GSDMC: variants seen among roughly 807,000 people sequenced by gnomAD.
GSDMC encodes gasdermin C, also known as gasdermin-C.
GSDMC carries 59 observed loss-of-function variants against 58.0 expected under a neutral mutation model. The ratio of observed to expected loss-of-function variants is 1.02; its 90% CI spans 0.82 to 1.26. The LOEUF (loss-of-function observed/expected upper bound fraction) is 1.26, where lower values mean the gene tolerates loss of function less well. Ranked by LOEUF, GSDMC falls within the 50% of genes most tolerant of loss-of-function variation. The pLI is 0.00. For synonymous variants in GSDMC, 241 were observed against 220.2 expected (o/e 1.09, Z -0.83); for missense variants, 659 against 598.5 (o/e 1.10, Z -1.06).
chr8:129,762,422 C>T lies in GSDMC; in HGVS notation c.676+204G>A, dbSNP rs552933836. 6.6e-5 allele frequency among the ~76,000 whole-genome samples: 10 copies of T among 152,314 alleles called. 1 individual carries two copies. The South Asian group carries it at 2.1e-3, about 32-fold the overall frequency. ...GACTGTCTGTATCTGTCAATAGCAG[C>T]ATTTCACCCAGGCCATGCTTGGAGG... On this transcript the variant is annotated intron_variant, in intron 5 of 13. Transcript: ENST00000276708.
At chr8:129,740,618 G>T in the GSDMC span, among the ~76,000 whole-genome samples, 1 of 152,108 alleles carries the variant, frequency 6.6e-6, no homozygotes, top group East Asian at 1.9e-4. Flanking sequence ...AGACTATATT[G>T]TCTACGTTTG....
chr8:129,760,495 C>G (rs1289265863), intron 6 of GSDMC, 50 bp downstream of exon 6: 1 of 1,019,510 alleles, frequency 9.8e-7, no homozygotes. Flanking sequence ...ACATACCTCC[C>G]ATGTACTCAT....
At chr8:129,711,438 C>T in the GSDMC span, among the ~76,000 whole-genome samples, 1 of 152,122 alleles carries the variant, frequency 6.6e-6, no homozygotes, top group Admixed American at 6.5e-5. Flanking sequence ...TCCCAGTATT[C>T]CAAAAGTCAG....
chr8:129,713,687 T>C, the GSDMC span, among the ~76,000 whole-genome samples: 1 of 151,990 alleles, frequency 6.6e-6, no homozygotes, highest in East Asian at 1.9e-4. Context: ...AGCCAGTAAA[T>C]ACTGTCTTTC....
At chr8:129,723,836 T>C in the GSDMC span, among the ~76,000 whole-genome samples, 2 of 152,242 alleles carry the variant, frequency 1.3e-5, no homozygotes, top group Non-Finnish European at 2.9e-5. Flanking sequence ...ACTACTACTC[T>C]AGCCCTTCCA....
At chr8:129,706,701 C>G in the GSDMC span, 1 of 152,202 alleles carries the variant, frequency 6.6e-6, no homozygotes, top group East Asian at 1.9e-4. Flanking sequence ...AGCACAGAAG[C>G]AACTCCCCAA....
chr8:129,756,414 A>C lies in GSDMC; in HGVS notation c.722-3594T>G, dbSNP rs1370627220. 2.0e-5 allele frequency among the ~76,000 whole-genome samples: 3 copies of C among 152,070 alleles called. No individual in the cohort carries two copies. In the South Asian group the frequency reaches 6.2e-4, roughly 31 times the overall value. On this transcript the variant is annotated intron_variant, in intron 6 of 13. Coordinates refer to ENST00000276708, the MANE Select transcript of GSDMC (RefSeq NM_031415.3). ...TATTATTAGAGCTAAAGAGAGAGAG[A>C]GCTAAAGAGAGATTATTAGAGCTAA...
At chr8:129,727,168 T>C in the GSDMC span, among the ~76,000 whole-genome samples, 3 of 152,236 alleles carry the variant, frequency 2.0e-5, no homozygotes, top group African/African-American at 7.2e-5. Flanking sequence ...GAAGTCATGC[T>C]GGATTAGAGT....
the GSDMC span, chr8:129,729,373 C>G: frequency 2.4e-6 from 1 of 414,912 alleles, no homozygotes; most frequent in Non-Finnish European, 4.5e-6. Flanking sequence ...AGGCTTATTA[C>G]ATATGCAGAC....
chr8:129,731,180 A>G, the GSDMC span, among the ~76,000 whole-genome samples: 2 of 152,244 alleles, frequency 1.3e-5, no homozygotes, highest in Non-Finnish European at 2.9e-5. Flanking sequence ...GATAAAAAAG[A>G]GCTACAATGT....
intron 4 of GSDMC, among the ~76,000 whole-genome samples, chr8:129,763,358 T>C (rs1182644850): frequency 6.6e-6 from 1 of 152,226 alleles, no homozygotes; most frequent in Non-Finnish European, 1.5e-5. Context: ...GAGGTAAGTG[T>C]TCTGAAAATT....
chr8:129,782,179 C>T (rs1039137531), intron 1 of GSDMC, among the ~76,000 whole-genome samples: 1 of 151,472 alleles, frequency 6.6e-6, no homozygotes, highest in Admixed American at 6.6e-5. Flanking sequence ...AATGATAATG[C>T]AAACATACCA....
At chr8:129,719,040 G>A in the GSDMC span, among the ~76,000 whole-genome samples, 1 of 152,142 alleles carries the variant, frequency 6.6e-6, no homozygotes, top group Non-Finnish European at 1.5e-5. Flanking sequence ...TCAGGAGGTG[G>A]GGGGCTAGGG....
rs140094234 is a variant in GSDMC, at chr8:129,781,007, A to G, written c.-4-3416T>C. On this transcript the variant is annotated intron_variant, in intron 1 of 13. Coordinates refer to ENST00000276708, the MANE Select transcript of GSDMC (RefSeq NM_031415.3). ...TTTTAAGATAGCATTTGCAAGCCTCATAGTAATTTCAAATCTAAAAACATA... is the reference window on the plus strand; with the variant it reads ...TTTTAAGATAGCATTTGCAAGCCTCGTAGTAATTTCAAATCTAAAAACATA... Among the ~76,000 whole-genome samples the G allele has an allele frequency of 3.5e-3, 538 of 152,322 alleles. 2 individuals are homozygous for G. Among genetic ancestry groups the G allele is most frequent in the African/African-American group, 0.013 (522 of 41,586 alleles).
chr8:129,760,725 A>C, intron 5 of GSDMC, 136 bp from the exon 6 acceptor site: 1 of 569,510 alleles, frequency 1.8e-6, no homozygotes. Flanking sequence ...TGCCTTCTGA[A>C]TCACTTTGAA....
At position 129,760,511 on chromosome 8, in the gene GSDMC, T is replaced by G. The variant is rs185032357; in HGVS notation, c.721+34A>C. 22 of 1,382,502 alleles carry G rather than the reference T, an allele frequency of 1.6e-5. No individual in the cohort carries two copies. In the East Asian group the frequency reaches 4.6e-4, roughly 29 times the overall value. The allele number at this position is 1,382,502 out of a possible 1,614,324, so 85.6% of individuals were successfully genotyped here. A position where few individuals can be genotyped will look rare whatever the true frequency, so the allele number is the denominator to read the frequency against. On this transcript the variant is annotated intron_variant, in intron 6 of 13. Coordinates refer to ENST00000276708, the MANE Select transcript of GSDMC (RefSeq NM_031415.3). ...CATACCTCCCATGTACTCATAAAAA[T>G]AAAAAAATAAAAAGACCAGGCTTTG...
At chr8:129,715,966 TATA>T in the GSDMC span, among the ~76,000 whole-genome samples, 1 of 152,294 alleles carries the variant, frequency 6.6e-6, no homozygotes, top group Non-Finnish European at 1.5e-5. Flanking sequence ...CATGAAGTAG[TATA>T]ATATTACTTG....
the GSDMC span, among the ~76,000 whole-genome samples, chr8:129,713,464 C>T: frequency 1.6e-4 from 25 of 152,114 alleles, no homozygotes; most frequent in African/African-American, 5.3e-4. Flanking sequence ...AAGACAGCCA[C>T]GCTTTGCCAT....
chr8:129,740,653 C>T, the GSDMC span, among the ~76,000 whole-genome samples: 1 of 152,086 alleles, frequency 6.6e-6, no homozygotes, highest in Non-Finnish European at 1.5e-5. Flanking sequence ...ATGGTGTTCC[C>T]ACAACTGAAA....
Sources: allele counts gnomAD v4.1 joint callset (sites outside exome capture counted in the v4.1 genomes callset), GRCh38; gene constraint gnomAD v4.1.1; transcripts MANE v1.5; gene names NCBI Gene and HGNC (gene_info 2026-07-23, HGNC 2026-07-21).